LCORL: variants seen among roughly 807,000 people sequenced by gnomAD.
LCORL encodes the protein ligand-dependent nuclear receptor corepressor-like protein.
A neutral mutation model predicts 141.8 loss-of-function variants in LCORL; 41 were observed. That is an observed-to-expected ratio of 0.29 (90% CI 0.23 to 0.38). LCORL has a LOEUF of 0.38. LCORL is among the 10% of genes least tolerant of loss of function. The pLI is 1.00. For synonymous variants in LCORL, 618 were observed against 694.1 expected (o/e 0.89, Z 1.72); for missense variants, 1,759 against 2,035.0 (o/e 0.86, Z 2.61).
At chr4:17,854,296 T>C (rs1349510279) in intron 7 of LCORL, among the ~76,000 whole-genome samples, 10 of 152,128 alleles carry the variant, frequency 6.6e-5, no homozygotes, top group East Asian at 1.9e-4. Flanking sequence ...GCACAGAGAA[T>C]AGAATGCACA....
At chr4:17,990,365 C>T (rs1719772962) in intron 1 of LCORL, among the ~76,000 whole-genome samples, 2 of 148,584 alleles carry the variant, frequency 1.3e-5, no homozygotes, top group East Asian at 2.0e-4. Flanking sequence ...TGCCAAAGTG[C>T]TCGGATTACA....
intron 1 of LCORL, among the ~76,000 whole-genome samples, chr4:17,976,267 TA>T (rs1967994733): frequency 6.6e-6 from 1 of 152,196 alleles, no homozygotes; most frequent in African/African-American, 2.4e-5. Context: ...ATGTATTTAT[TA>T]AAATAGTTGG....
chr4:17,878,334 G>T, intron 6 of LCORL, 121 bp from the exon 7 acceptor site: 1 of 532,884 alleles, frequency 1.9e-6, no homozygotes, highest in Non-Finnish European at 2.9e-6. Flanking sequence ...CTCCTAGAGA[G>T]CTGCAATAAT....
intron 4 of LCORL, among the ~76,000 whole-genome samples, chr4:17,930,312 G>A (rs1259318104): frequency 1.3e-5 from 2 of 152,262 alleles, no homozygotes; most frequent in Non-Finnish European, 1.5e-5. Context: ...AGTCCAGCCT[G>A]GGCAACATAG....
chr4:17,893,629 A>G (rs920276727), intron 5 of LCORL: 3 of 983,474 alleles, frequency 3.1e-6, no homozygotes, highest in Non-Finnish European at 3.6e-6. Context: ...TCATTTTCTT[A>G]TTTGTTTTCT....
At chr4:17,932,700 T>C (rs1736246392) in intron 4 of LCORL, among the ~76,000 whole-genome samples, 1 of 152,196 alleles carries the variant, frequency 6.6e-6, no homozygotes, top group Non-Finnish European at 1.5e-5. Context: ...TAAAGTTTTA[T>C]TGAAACACAC....
At chr4:17,848,982 G>T (rs1439109860) in intron 7 of LCORL, among the ~76,000 whole-genome samples, 1 of 152,254 alleles carries the variant, frequency 6.6e-6, no homozygotes, top group Non-Finnish European at 1.5e-5. Flanking sequence ...TGGGGGAGGG[G>T]CGCCCACCAT....
At chr4:17,848,623 G>A (rs1305775712) in intron 7 of LCORL, among the ~76,000 whole-genome samples, 1 of 152,276 alleles carries the variant, frequency 6.6e-6, no homozygotes, top group Non-Finnish European at 1.5e-5. Context: ...AGTGATTTCT[G>A]CATTTCCATC....
chr4:17,917,650 A>G (rs1214091738), intron 4 of LCORL, among the ~76,000 whole-genome samples: 1 of 152,262 alleles, frequency 6.6e-6, no homozygotes, highest in Non-Finnish European at 1.5e-5. Flanking sequence ...TCAGGAAAAC[A>G]GCTAGGAAAA....
chr4:17,901,403 A>C (rs1279858275), intron 5 of LCORL, among the ~76,000 whole-genome samples: 1 of 152,060 alleles, frequency 6.6e-6, no homozygotes, highest in African/African-American at 2.4e-5. Context: ...AAAAACAACA[A>C]AATCCTGAGA....
At chr4:17,926,304 T>C (rs1280755954) in intron 4 of LCORL, among the ~76,000 whole-genome samples, 2 of 148,926 alleles carry the variant, frequency 1.3e-5, no homozygotes, top group African/African-American at 5.2e-5. Flanking sequence ...AGATCCACCC[T>C]CAATCTTGGT....
At chr4:17,990,903 A>G (rs1233585075) in intron 1 of LCORL, among the ~76,000 whole-genome samples, 2 of 152,208 alleles carry the variant, frequency 1.3e-5, no homozygotes, top group Admixed American at 1.3e-4. Context: ...ATCCTCAAAA[A>G]TAAAAGGCAT....
chr4:17,971,296 A>G (rs1252224263), intron 2 of LCORL, among the ~76,000 whole-genome samples: 1 of 152,044 alleles, frequency 6.6e-6, no homozygotes, highest in African/African-American at 2.4e-5. Context: ...CAAAAATAGA[A>G]TGAGTCAATA....
At chr4:18,000,610 C>G (rs2109825018) in intron 1 of LCORL, among the ~76,000 whole-genome samples, 1 of 151,866 alleles carries the variant, frequency 6.6e-6, no homozygotes, top group East Asian at 1.9e-4. Flanking sequence ...ACTATATCTA[C>G]AGGCAACCAC....
chr4:17,958,249 T>C (rs945833240), intron 4 of LCORL, among the ~76,000 whole-genome samples: 2 of 151,554 alleles, frequency 1.3e-5, no homozygotes, highest in African/African-American at 4.8e-5. Flanking sequence ...AAAACAGAAT[T>C]GTGGGTACGT....
intron 4 of LCORL, among the ~76,000 whole-genome samples, chr4:17,936,812 T>TA (rs1337872057): frequency 2.0e-5 from 3 of 152,236 alleles, no homozygotes; most frequent in Non-Finnish European, 4.4e-5. Flanking sequence ...CACAATAACT[T>TA]AGTTTAATTA....
At chr4:17,880,616 CTTTTT>C (rs1271573856) in intron 6 of LCORL, 5 of 982,154 alleles carry the variant, frequency 5.1e-6, no homozygotes, top group Non-Finnish European at 4.8e-6. Context: ...CTTTTCTTTT[CTTTTT>C]TTCTTTTACT....
At chr4:17,950,478 C>G (rs1272611151) in intron 4 of LCORL, among the ~76,000 whole-genome samples, 2 of 152,098 alleles carry the variant, frequency 1.3e-5, no homozygotes, top group African/African-American at 2.4e-5. Flanking sequence ...GGTGCTAATA[C>G]ATTTAATACT....
intron 1 of LCORL, among the ~76,000 whole-genome samples, chr4:18,010,113 C>A (rs62410187): frequency 0.04 from 6,027 of 152,204 alleles, 161 homozygotes; most frequent in Admixed American, 0.059. Context: ...TGTCAGAGTA[C>A]CTGCTTTTTT....
Sources: gnomAD v4.1 joint callset for allele counts (sites outside exome capture counted in the v4.1 genomes callset) on GRCh38, gnomAD v4.1.1 for gene constraint, MANE v1.5 for transcripts, NCBI Gene and HGNC (gene_info 2026-07-23, HGNC 2026-07-21) for gene names.